The following RARB variants were observed in gnomAD, a reference collection of about 807,000 sequenced individuals.
RARB encodes HBV-activated protein.
A neutral mutation model predicts 51.9 loss-of-function variants in RARB; 17 were observed. The ratio of observed to expected loss-of-function variants is 0.33; its 90% CI spans 0.22 to 0.49. RARB has a LOEUF of 0.49. Among genes scored for constraint, RARB ranks in the 20% least tolerant of loss-of-function variants. RARB has a pLI of 0.99. For missense variants in RARB, 369 were observed against 550.8 expected, an observed-to-expected ratio of 0.67 and a Z score of 3.30; for synonymous variants, 215 against 195.4, an observed-to-expected ratio of 1.10 and a Z score of -0.84.
intron 5 of RARB, among the ~76,000 whole-genome samples, chr3:25,276,593 T>C (rs894900380): frequency 6.6e-6 from 1 of 152,228 alleles, no homozygotes; most frequent in Non-Finnish European, 1.5e-5. Context: ...AACTGTGACT[T>C]GTAAAAGTTT....
intron 3 of RARB, among the ~76,000 whole-genome samples, chr3:25,124,553 C>A (rs770477036): frequency 6.6e-6 from 1 of 152,142 alleles, no homozygotes; most frequent in South Asian, 2.1e-4. Flanking sequence ...CCTAATAGAT[C>A]GGTAGAGTCA....
chr3:24,870,954 G>A (rs2125349100), intron 2 of RARB, among the ~76,000 whole-genome samples: 2 of 151,950 alleles, frequency 1.3e-5, no homozygotes, highest in Non-Finnish European at 2.9e-5. Context: ...TAGTAACCCT[G>A]TTGTGCTTTT....
chr3:25,142,038 A>G (rs974463551), intron 4 of RARB, among the ~76,000 whole-genome samples: 2 of 152,262 alleles, frequency 1.3e-5, no homozygotes, highest in Non-Finnish European at 2.9e-5. Flanking sequence ...CTTGTTAGAC[A>G]TAAAACATCT....
At chr3:25,176,907 A>G (rs1700764875) in intron 5 of RARB, among the ~76,000 whole-genome samples, 2 of 152,202 alleles carry the variant, frequency 1.3e-5, no homozygotes, top group Non-Finnish European at 2.9e-5. Flanking sequence ...TGGCAATTGA[A>G]TAGATTCAAC....
Position 25,428,759 on chromosome 3 carries a change from G to C in RARB, c.28G>C (p.Val10Leu). ...GTTTGACTGTATGGATGTTCTGTCA[G>C]TGAGTCCTGGGCAAATCCTGGATTT... is the stretch of plus-strand genomic sequence containing the variant. Reference protein sequence around the residue: MFDCMDVLSVSPGQILDFYT... With the variant: MFDCMDVLSLSPGQILDFYT... Residue 10 changes from valine (V) to leucine (L), a missense_variant, in exon 1 of 8, where the codon GTG becomes CTG. By Grantham distance (32) the Val-to-Leu change is conservative (BLOSUM62 1). This residue lies in a region of RARB where 99 missense variants were observed against 95.1 expected (regional missense o/e 1.04). Transcript: ENST00000330688. 1 of 1,614,124 alleles carries C rather than the reference G, an allele frequency of 6.2e-7. No individual in the cohort carries two copies. The highest frequency in any genetic ancestry group is 8.5e-7 in the Non-Finnish European group (1 of 1,180,000).
intron 4 of RARB, among the ~76,000 whole-genome samples, chr3:25,152,086 T>A (rs1202546964): frequency 1.3e-5 from 2 of 152,198 alleles, no homozygotes; most frequent in African/African-American, 4.8e-5. Context: ...GATTTACACT[T>A]GAGGCTTGGT....
At chr3:24,867,880 T>C (rs1034960813) in intron 2 of RARB, among the ~76,000 whole-genome samples, 1 of 152,080 alleles carries the variant, frequency 6.6e-6, no homozygotes, top group Admixed American at 6.6e-5. Context: ...TTGACTGCCA[T>C]TGAGTTCAAG....
intron 3 of RARB, among the ~76,000 whole-genome samples, chr3:25,086,783 C>G (rs1699112959): frequency 3.9e-5 from 6 of 152,116 alleles, no homozygotes; most frequent in Admixed American, 3.9e-4. Context: ...TATCTAAAGA[C>G]CTGGAGTTGA....
At chr3:25,546,972 A>T (rs943295700) in intron 3 of RARB, among the ~76,000 whole-genome samples, 1 of 152,136 alleles carries the variant, frequency 6.6e-6, no homozygotes, top group African/African-American at 2.4e-5. Context: ...TTATATAGCA[A>T]TTTGCTTAGT....
At chr3:25,072,982 GC>G (rs1698800491) in intron 3 of RARB, among the ~76,000 whole-genome samples, 1 of 152,094 alleles carries the variant, frequency 6.6e-6, no homozygotes, top group East Asian at 1.9e-4. Flanking sequence ...ACAGGTGTGA[GC>G]CACCGCGCCC....
intron 5 of RARB, among the ~76,000 whole-genome samples, chr3:25,420,990 CCAA>C (rs1175075761): frequency 3.0e-4 from 19 of 62,420 alleles, no homozygotes; most frequent in African/African-American, 4.8e-4. Context: ...ACCACTTATG[CCAA>C]AAAAAAAAAA....
intron 2 of RARB, among the ~76,000 whole-genome samples, chr3:25,007,812 G>C (rs1249061481): frequency 6.6e-6 from 1 of 151,880 alleles, no homozygotes; most frequent in East Asian, 1.9e-4. Flanking sequence ...CTGGAGCTTT[G>C]TGATACGTGT....
chr3:25,521,894 C>G (rs1698416510), intron 3 of RARB, among the ~76,000 whole-genome samples: 1 of 152,040 alleles, frequency 6.6e-6, no homozygotes, highest in Admixed American at 6.6e-5. Context: ...ACAGTGAAAC[C>G]TAATTCGTAC....
chr3:25,178,022 G>A (rs530471088), intron 5 of RARB, among the ~76,000 whole-genome samples: 3 of 151,894 alleles, frequency 2.0e-5, no homozygotes, highest in South Asian at 4.2e-4. Flanking sequence ...GGTTTCTCCC[G>A]GTCCACATGC....
At chr3:25,313,799 G>A (rs1339364297) in intron 5 of RARB, among the ~76,000 whole-genome samples, 2 of 152,140 alleles carry the variant, frequency 1.3e-5, no homozygotes, top group Non-Finnish European at 1.5e-5. Flanking sequence ...TCCAGGCGTG[G>A]TGGTTCACAC....
At chr3:25,341,655 AT>A (rs1705231405) in intron 5 of RARB, among the ~76,000 whole-genome samples, 1 of 152,116 alleles carries the variant, frequency 6.6e-6, no homozygotes, top group African/African-American at 2.4e-5. Flanking sequence ...GCCCCCAGGG[AT>A]ATTTGACTAT....
rs1269692827 is a variant in RARB at position 25,175,673 on chromosome 3, T to C, written c.178+1098T>C. On this transcript the variant is annotated intron_variant, in intron 5 of 11. Transcript: ENST00000383772. ...GACTGACAGATAGGCAAACAGATGA[T>C]AGACTTGCACTTTTGGGATGTTGAT... 2.6e-5 allele frequency among the ~76,000 whole-genome samples: 4 copies of C among 152,212 alleles called. No individual in the cohort carries two copies. In the East Asian group the frequency reaches 7.7e-4, roughly 29 times the overall value.
intron 5 of RARB, among the ~76,000 whole-genome samples, chr3:25,205,885 A>G (rs1402238853): frequency 6.6e-6 from 1 of 152,078 alleles, no homozygotes; most frequent in Non-Finnish European, 1.5e-5. Context: ...TTAGGACTAC[A>G]GGCATGAGCC....
intron 2 of RARB, among the ~76,000 whole-genome samples, chr3:24,867,178 G>A (rs1207972772): frequency 1.3e-5 from 2 of 152,110 alleles, no homozygotes; most frequent in Non-Finnish European, 2.9e-5. Flanking sequence ...CAGAATTTGT[G>A]TTTCTCTCAT....
Sources: allele counts gnomAD v4.1 joint callset (sites outside exome capture counted in the v4.1 genomes callset), GRCh38; gene constraint gnomAD v4.1.1; regional missense constraint gnomAD v4.1.1; transcripts MANE v1.5; gene names NCBI Gene and HGNC (gene_info 2026-07-23, HGNC 2026-07-21).